VSTM2B: variants seen among roughly 807,000 people sequenced by gnomAD.
VSTM2B encodes V-set and transmembrane domain-containing protein 2B.
Under a neutral mutation model 24.0 loss-of-function variants are expected in VSTM2B, and 24 were observed. The observed-to-expected ratio is 1.00, with a 90% confidence interval of 0.72 to 1.40. VSTM2B has a LOEUF of 1.40. Among genes scored for constraint, VSTM2B ranks in the 40% most tolerant of loss-of-function variants. The probability of loss-of-function intolerance (pLI) is 0.00; values close to 1 mark genes in which losing one functional copy is unlikely to be tolerated. For synonymous variants in VSTM2B, 226 were observed against 194.4 expected, an observed-to-expected ratio of 1.16 and a Z score of -1.35; for missense variants, 399 against 416.4, an observed-to-expected ratio of 0.96 and a Z score of 0.36.
chr19:29,554,079 G>T (rs1970351428), intron 4 of VSTM2B, among the ~76,000 whole-genome samples: 1 of 152,132 alleles, frequency 6.6e-6, no homozygotes, highest in East Asian at 1.9e-4. Flanking sequence ...GAGAACCCCA[G>T]AAAGATACTC....
At chr19:29,561,776 G>A (rs1229464610) in intron 4 of VSTM2B, among the ~76,000 whole-genome samples, 2 of 151,934 alleles carry the variant, frequency 1.3e-5, no homozygotes, top group South Asian at 2.1e-4. Flanking sequence ...CTCCACCCAG[G>A]CACGTGGGCA....
intron 4 of VSTM2B, among the ~76,000 whole-genome samples, chr19:29,545,514 G>A (rs1316350037): frequency 6.6e-6 from 1 of 152,196 alleles, no homozygotes; most frequent in Non-Finnish European, 1.5e-5. Context: ...TCAGGAGGCT[G>A]AGGCAGGAGA....
At chr19:29,528,879 C>A in intron 3 of VSTM2B, 1 of 978,992 alleles carries the variant, frequency 1.0e-6, no homozygotes, top group Non-Finnish European at 1.2e-6. Flanking sequence ...ATCTGCTCTG[C>A]GCCCTCCGCT....
intron 4 of VSTM2B, among the ~76,000 whole-genome samples, chr19:29,559,967 T>C (rs1970490873): frequency 6.6e-6 from 1 of 152,130 alleles, no homozygotes; most frequent in Admixed American, 6.5e-5. Flanking sequence ...TTGGGCTCAT[T>C]CATGTGTCTA....
Position 29,526,974 on chromosome 19 carries a change from C to T in VSTM2B, c.83-237C>T, listed in dbSNP as rs1377108875. 3 of 464,020 alleles carry T rather than the reference C, an allele frequency of 6.5e-6. No homozygotes were observed. The highest frequency in any genetic ancestry group is 2.1e-5 in the African/African-American group (1 of 48,528). The allele number at this position is 464,020 out of a possible 1,614,324, so 28.7% of individuals were successfully genotyped here. The stretch of plus-strand genomic sequence containing the variant: ...CCAGGGGCGGGGGAGAAGCACGAGT[C>T]GCCCCTGCCGCCCCGCCCCATCCGG... On this transcript the variant is annotated intron_variant, in intron 1 of 4. Transcript: ENST00000335523. This position sits in a 1 kb window ranked among gnomAD's most constrained non-coding sequence, Gnocchi z 4.1.
Position 29,530,244 on chromosome 19 carries a change from G to T in VSTM2B, c.723G>T (p.Ser241=). Residue 241 remains serine, a synonymous_variant, in exon 4 of 5, where the codon TCG becomes TCT. Transcript: ENST00000335523. Reference sequence around the variant, plus strand: ...CAGCTGCTGCTGCCTCGTCAGCGTCGCCGCCATCGGGACAGGCGGTCCTGC... The same window carrying T: ...CAGCTGCTGCTGCCTCGTCAGCGTCTCCGCCATCGGGACAGGCGGTCCTGC... ...VAAAAAASSA[S]PPSGQAVLLR... 1 of 1,502,782 alleles carries T rather than the reference G, an allele frequency of 6.7e-7. No homozygotes were observed. Among genetic ancestry groups the T allele is most frequent in the Non-Finnish European group, 8.8e-7 (1 of 1,132,864 alleles). 93.1% of individuals were successfully genotyped at this position (1,502,782 alleles called of 1,614,324 possible).
chr19:29,546,703 G>T lies in VSTM2B; in HGVS notation c.769+16413G>T, dbSNP rs73923881. On this transcript the variant is annotated intron_variant, in intron 4 of 4. Transcript: ENST00000335523. ...CCCCACCCCGGTGCTCACTGCAGTC[G>T]GGCCGCCTGCGGCCCCCTCTGACAG... Among the ~76,000 whole-genome samples the T allele has an allele frequency of 7.5e-3, 1,107 of 148,212 alleles. 12 individuals carry two copies. The highest frequency in any genetic ancestry group is 0.027 in the African/African-American group (1,072 of 39,330).
intron 2 of VSTM2B, among the ~76,000 whole-genome samples, chr19:29,528,148 G>A (rs980854293): frequency 5.9e-5 from 9 of 152,178 alleles, no homozygotes; most frequent in Non-Finnish European, 1.5e-5. Flanking sequence ...GGAAGGAGAG[G>A]GGCTTTCCTT....
chr19:29,556,677 C>T (rs1265098126), intron 4 of VSTM2B, among the ~76,000 whole-genome samples: 1 of 152,176 alleles, frequency 6.6e-6, no homozygotes, highest in Admixed American at 6.6e-5. Context: ...AACTTCAGCA[C>T]TCTCAGGATA....
intron 4 of VSTM2B, among the ~76,000 whole-genome samples, chr19:29,537,673 G>A (rs575784857): frequency 6.0e-5 from 8 of 134,424 alleles, no homozygotes; most frequent in East Asian, 4.5e-4. Context: ...TGGACATTTC[G>A]GAAGCTTTTC....
chr19:29,554,053 A>G (rs1049333328), intron 4 of VSTM2B, among the ~76,000 whole-genome samples: 7 of 152,216 alleles, frequency 4.6e-5, no homozygotes, highest in Non-Finnish European at 1.0e-4. Context: ...GCCAACATTC[A>G]AATTCAGGAA....
rs1252523302 is a variant in VSTM2B at position 29,529,921 on chromosome 19, G to T, written c.400G>T (p.Asp134Tyr). 42 of 1,550,066 alleles carry T rather than the reference G, an allele frequency of 2.7e-5. No homozygotes were observed. The highest frequency in any genetic ancestry group is 3.5e-5 in the Non-Finnish European group (40 of 1,146,866). ...VYECRVSDYSDDDTQEHKAQA... is the reference protein window; with the variant it reads ...VYECRVSDYSYDDTQEHKAQA... ...CGAGTGCCGCGTGTCGGACTACAGC[G>T]ACGACGACACGCAGGAGCACAAGGC... The change falls in exon 4 of 5, where the codon GAC becomes TAC. Residue 134 changes from aspartate (D) to tyrosine (Y), a missense_variant. Physicochemically the swap from Asp to Tyr is radical, Grantham distance 160 (BLOSUM62 -3). Transcript: ENST00000335523.
chr19:29,547,641 A>G (rs1970184179), intron 4 of VSTM2B, among the ~76,000 whole-genome samples: 1 of 152,166 alleles, frequency 6.6e-6, no homozygotes. Context: ...CCAGAGAGGT[A>G]GGACATGTGA....
At chr19:29,527,734 A>G (rs1467760261) in intron 2 of VSTM2B, among the ~76,000 whole-genome samples, 8 of 151,982 alleles carry the variant, frequency 5.3e-5, no homozygotes, top group Non-Finnish European at 1.0e-4. Flanking sequence ...CCTTGGTCCC[A>G]TCAGGCTCTC....
At chr19:29,563,097 A>G (rs928189776) in intron 4 of VSTM2B, among the ~76,000 whole-genome samples, 1 of 152,094 alleles carries the variant, frequency 6.6e-6, no homozygotes, top group Admixed American at 6.6e-5. Context: ...GAAGCTGTGC[A>G]GTTTAGGCAG....
Position 29,563,948 on chromosome 19 carries a change from C to T in VSTM2B, c.*14C>T. On this transcript the variant is annotated 3_prime_UTR_variant, in exon 5 of 5. Coordinates refer to ENST00000335523, the MANE Select transcript of VSTM2B (RefSeq NM_001146339.2). ...TTGGGACATTGACAGACAAGACCAA[C>T]CCGAGCATCTCAGAGGCCGCACATG... is the stretch of plus-strand genomic sequence containing the variant. The T allele has an allele frequency of 6.4e-7, 1 of 1,551,860 alleles. No homozygotes were observed. The highest frequency in any genetic ancestry group is 8.7e-7 in the Non-Finnish European group (1 of 1,146,706).
chr19:29,528,551 C>A (rs1969643456), intron 3 of VSTM2B, 89 bp downstream of exon 3: 3 of 1,496,396 alleles, frequency 2.0e-6, no homozygotes, highest in Non-Finnish European at 1.8e-6. Context: ...CCGCGGCGGC[C>A]GCGCATGTGG....
intron 4 of VSTM2B, among the ~76,000 whole-genome samples, chr19:29,549,822 G>A (rs1043075072): frequency 2.0e-5 from 3 of 152,196 alleles, no homozygotes; most frequent in East Asian, 1.9e-4. Context: ...GCTCGGAGAC[G>A]GAGGCTCCTC....
chr19:29,555,118 G>C (rs147616819), intron 4 of VSTM2B, among the ~76,000 whole-genome samples: 40 of 152,284 alleles, frequency 2.6e-4, no homozygotes, highest in African/African-American at 8.9e-4. Flanking sequence ...ATTCTTCTTG[G>C]TGACACATGG....
Sources: gnomAD v4.1 joint callset for allele counts (sites outside exome capture counted in the v4.1 genomes callset) on GRCh38, gnomAD v4.1.1 for gene constraint, Gnocchi (gnomAD v3.1) non-coding constraint, MANE v1.5 for transcripts, NCBI Gene and HGNC (gene_info 2026-07-23, HGNC 2026-07-21) for gene names.